The following PPFIA3 variants were observed in gnomAD, a reference collection of about 807,000 sequenced individuals.
The protein encoded by PPFIA3 is liprin-alpha-3.
In PPFIA3, 26 loss-of-function variants were observed where a neutral mutation model predicts 145.8. The ratio of observed to expected loss-of-function variants is 0.18; its 90% CI spans 0.13 to 0.25. PPFIA3 has a LOEUF of 0.25. Ranked by LOEUF, PPFIA3 falls within the 10% of genes least tolerant of loss-of-function variation. The pLI is 1.00. For missense variants in PPFIA3, 1,008 were observed against 1,587.8 expected, an observed-to-expected ratio of 0.63 and a Z score of 6.21; for synonymous variants, 645 against 661.4, an observed-to-expected ratio of 0.98 and a Z score of 0.38.
At chr19:49,145,383 C>G (rs566299547) in intron 21 of PPFIA3, among the ~76,000 whole-genome samples, 1 of 152,298 alleles carries the variant, frequency 6.6e-6, no homozygotes, top group East Asian at 1.9e-4. Flanking sequence ...ACTCTGTATT[C>G]AAATTTCCCC....
Position 49,139,699 on chromosome 19 carries a change from C to T in PPFIA3, c.2108C>T (p.Pro703Leu), listed in dbSNP as rs1361433472. ...GTCCCTAAGGAGGAAGCTGGAGCTC[C>T]ACGAGGGGAGGGGCCGGCCATCCCA... The part of the protein sequence containing the change: ...NHVPKEEAGA[P>L]RGEGPAIPGD... Residue 703 changes from proline to leucine, a missense_variant, in exon 17 of 30, where the codon CCA becomes CTA. By Grantham distance (98) the Pro-to-Leu change is moderately conservative. Transcript: ENST00000334186. 4.3e-6 allele frequency: 7 copies of T among 1,609,960 alleles called. No individual in the cohort carries two copies. The Admixed American group carries it at 1.2e-4, about 27-fold the overall frequency.
In PPFIA3 at chr19:49,133,958, G is replaced by A; in HGVS notation, c.1246-76G>A. Reference sequence around the variant, plus strand: ...TTAATAAGGAGGCTGGGCTGGGCCCGGGGGTGGGGCTTAGAGGAAGGGCCG... The same window carrying A: ...TTAATAAGGAGGCTGGGCTGGGCCCAGGGGTGGGGCTTAGAGGAAGGGCCG... On this transcript the variant is annotated intron_variant, in intron 10 of 29. Coordinates refer to ENST00000334186, the MANE Select transcript of PPFIA3 (RefSeq NM_003660.4). This position sits in a 1 kb window ranked among gnomAD's most constrained non-coding sequence, Gnocchi z 7.2. The A allele has an allele frequency of 3.1e-6, 5 of 1,605,682 alleles. No homozygotes were observed. Among genetic ancestry groups the A allele is most frequent in the Non-Finnish European group, 4.3e-6 (5 of 1,175,634 alleles).
Position 49,143,986 on chromosome 19 carries a change from T to C in PPFIA3, c.2745+982T>C, listed in dbSNP as rs186263796. Among the ~76,000 whole-genome samples, 40 of 151,618 alleles carry C rather than the reference T, an allele frequency of 2.6e-4. 1 individual carries two copies. The highest frequency in any genetic ancestry group is 9.0e-4 in the African/African-American group (37 of 41,170). ...ATACACATGCCTAAAAAGAATTTTA[T>C]ACAATATTTTATTTTTTATTTTTAT... On this transcript the variant is annotated intron_variant, in intron 21 of 29. Coordinates refer to ENST00000334186, the MANE Select transcript of PPFIA3 (RefSeq NM_003660.4).
intron 15 of PPFIA3, 129 bp downstream of exon 15, chr19:49,137,040 A>C: frequency 1.2e-6 from 1 of 868,160 alleles, no homozygotes; most frequent in Non-Finnish European, 1.7e-6. Flanking sequence ...CTTCCAGCCC[A>C]ACACTCACTC....
intron 23 of PPFIA3, 53 bp downstream of exon 23, chr19:49,146,245 T>C: frequency 2.5e-6 from 4 of 1,592,952 alleles, no homozygotes; most frequent in South Asian, 2.3e-5. Flanking sequence ...GCACGACGCA[T>C]GGATGCCCCT....
intron 16 of PPFIA3, among the ~76,000 whole-genome samples, chr19:49,138,981 A>G (rs1244651526): frequency 6.6e-6 from 1 of 152,034 alleles, no homozygotes; most frequent in Non-Finnish European, 1.5e-5. Flanking sequence ...AAAAAAAAAA[A>G]AAGTTTCTGT....
intron 16 of PPFIA3, 81 bp from the exon 17 acceptor site, chr19:49,139,587 C>T: frequency 6.9e-7 from 1 of 1,456,342 alleles, no homozygotes; most frequent in Non-Finnish European, 9.2e-7. Context: ...CCACACACAC[C>T]TTAGTAGACA....
At chr19:49,142,224 G>A (rs1454231581) in intron 20 of PPFIA3, 109 bp downstream of exon 20, 2 of 1,078,502 alleles carry the variant, frequency 1.9e-6, no homozygotes, top group African/African-American at 1.6e-5. Flanking sequence ...GCCCAGAGGT[G>A]GGGGTGGCCA....
Position 49,149,482 on chromosome 19 carries a change from CAAAG to C in PPFIA3, c.3355-64_3355-61del. The C allele has an allele frequency of 1.9e-6, 3 of 1,603,160 alleles. No homozygotes were observed. In the South Asian group the frequency reaches 3.3e-5, roughly 18 times the overall value. On this transcript the variant is annotated intron_variant, in intron 27 of 29. Transcript: ENST00000334186. The surrounding 1 kb of genome is among the most constrained non-coding windows in gnomAD (Gnocchi z 5.7). ...GGTGAGACCCGGAGAGGGGTGGAGT[CAAAG>C]GAAGGGGCGGAGTCAGACAAGGCAG...
chr19:49,141,306 C>T (rs1418560420), intron 18 of PPFIA3, 114 bp from the exon 19 acceptor site: 3 of 717,922 alleles, frequency 4.2e-6, no homozygotes, highest in East Asian at 2.7e-5. Context: ...TGTGCCCTCA[C>T]TCACTACTCC....
At position 49,122,714 on chromosome 19, in the gene PPFIA3, G is replaced by GGTT. The variant is rs1555741934; in HGVS notation, c.-16+2992_-16+2993insGTT. ...TTTTTGTTGTTGTTGTTGTTTAGTTGTTTTTTTTTTTTTTTTTTTTGGCGG... is the reference window on the plus strand; with the variant it reads ...TTTTTGTTGTTGTTGTTGTTTAGTTGGTTTTTTTTTTTTTTTTTTTTTTGGCGG... On this transcript the variant is annotated intron_variant, in intron 1 of 29. Coordinates refer to ENST00000334186, the MANE Select transcript of PPFIA3 (RefSeq NM_003660.4). Among the ~76,000 whole-genome samples the GGTT allele has an allele frequency of 1.5e-4, 17 of 114,854 alleles. 1 individual carries two copies. Among genetic ancestry groups the GGTT allele is most frequent in the East Asian group, 2.9e-4 (1 of 3,462 alleles). The allele number at this position is 114,854 out of a possible 152,430, so 75.3% of individuals were successfully genotyped here.
In PPFIA3 at chr19:49,128,949, G is replaced by T; in HGVS notation, c.444G>T (p.Ser148=). 6.2e-7 allele frequency: 1 copy of T among 1,613,920 alleles called. No individual in the cohort carries two copies. The highest frequency in any genetic ancestry group is 2.2e-5 in the East Asian group (1 of 44,872). Residue 148 remains serine, a synonymous_variant, in exon 4 of 30, where the codon TCG becomes TCT. Transcript: ENST00000334186. This position sits in a 1 kb window ranked among gnomAD's most constrained non-coding sequence, Gnocchi z 4.1. ...RQAQSPGGVS[S]EVEVLKALKS... is the part of the protein sequence containing the mutation. ...CCCAGTCCCCGGGTGGGGTCTCCTC[G>T]GAGGTAGAAGTGCTCAAAGCTCTAA...
rs1334699871 is a variant in PPFIA3 at position 49,148,127 on chromosome 19, C to T, written c.2880C>T (p.Asp960=). The change falls in exon 24 of 30, where the codon GAC becomes GAT. Residue 960 remains aspartate (D), a synonymous_variant. Coordinates refer to ENST00000334186, the MANE Select transcript of PPFIA3 (RefSeq NM_003660.4). Reference sequence around the variant, plus strand: ...TGAACCACGAGTGGGTGGGGAACGACTGGCTGCCCAGCCTGGGGCTGCCCC... The same window carrying T: ...TGAACCACGAGTGGGTGGGGAACGATTGGCTGCCCAGCCTGGGGCTGCCCC... ...GDMNHEWVGN[D]WLPSLGLPQY... is the part of the protein sequence containing the mutation. 4.3e-6 allele frequency: 7 copies of T among 1,614,036 alleles called. No homozygotes were observed. Among genetic ancestry groups the T allele is most frequent in the Non-Finnish European group, 5.9e-6 (7 of 1,179,944 alleles).
At position 49,130,149 on chromosome 19, in the gene PPFIA3, C is replaced by T. The variant is rs1358025945; in HGVS notation, c.657+82C>T. ...AGTGTTTGTAACGTTTGGTATCATC[C>T]TCACTGGCCCTAAGACGGCTGCACC... On this transcript the variant is annotated intron_variant, in intron 6 of 29. Transcript: ENST00000334186. The surrounding 1 kb of genome is among the most constrained non-coding windows in gnomAD (Gnocchi z 4.5). The T allele has an allele frequency of 1.1e-5, 15 of 1,418,554 alleles. No homozygotes were observed. The highest frequency in any genetic ancestry group is 1.4e-5 in the Non-Finnish European group (15 of 1,034,586). The allele number at this position is 1,418,554 out of a possible 1,614,324, so 87.9% of individuals were successfully genotyped here. A position where few individuals can be genotyped will look rare whatever the true frequency, so the allele number is the denominator to read the frequency against.
Position 49,133,586 on chromosome 19 carries a change from C to A in PPFIA3, c.1162-210C>A, listed in dbSNP as rs2041101603. On this transcript the variant is annotated intron_variant, in intron 9 of 29. Transcript: ENST00000334186. This position sits in a 1 kb window ranked among gnomAD's most constrained non-coding sequence, Gnocchi z 7.2. ...TGGGAGCGGGGTTCTCTAGCCTGGA[C>A]TGAAAGGACCGGTGGCCTGGAACCT... Among the ~76,000 whole-genome samples the A allele has an allele frequency of 6.6e-6, 1 of 152,066 alleles. No homozygotes were observed. The highest frequency in any genetic ancestry group is 1.5e-5 in the Non-Finnish European group (1 of 68,018).
rs11351172 is a variant in PPFIA3 at position 49,132,390 on chromosome 19, C to CAAAAAAAAAAAAAA, written c.880-594_880-581dup. Among the ~76,000 whole-genome samples the CAAAAAAAAAAAAAA allele has an allele frequency of 1.6e-4, 7 of 43,648 alleles. 1 individual carries two copies. The highest frequency in any genetic ancestry group is 3.9e-4 in the Admixed American group (1 of 2,558). The allele number at this position is 43,648 out of a possible 152,430, so 28.6% of individuals were successfully genotyped here. ...GGTGACGGAGCAAGACTCTCTCTCT[C>CAAAAAAAAAAAAAA]AAAAAAAAAAAAAAAAAAAAAAAAA... On this transcript the variant is annotated intron_variant, in intron 7 of 29. Coordinates refer to ENST00000334186, the MANE Select transcript of PPFIA3 (RefSeq NM_003660.4).
chr19:49,145,579 T>G lies in PPFIA3; in HGVS notation c.2746-364T>G, dbSNP rs2041270513. On this transcript the variant is annotated intron_variant, in intron 21 of 29. Coordinates refer to ENST00000334186, the MANE Select transcript of PPFIA3 (RefSeq NM_003660.4). Reference sequence around the variant, plus strand: ...TTGTTGGGAGCAGAAGCTCAATAAATGTGAACCCCCCCCGCCATACTCCCT... The same window carrying G: ...TTGTTGGGAGCAGAAGCTCAATAAAGGTGAACCCCCCCCGCCATACTCCCT... 4 of 286,236 alleles carry G rather than the reference T, an allele frequency of 1.4e-5. No individual in the cohort carries two copies. In the South Asian group the frequency reaches 1.7e-4, roughly 12 times the overall value. 17.7% of individuals were successfully genotyped at this position (286,236 alleles called of 1,614,324 possible).
At chr19:49,125,840 C>G (rs1209389494) in intron 1 of PPFIA3, among the ~76,000 whole-genome samples, 1 of 151,966 alleles carries the variant, frequency 6.6e-6, no homozygotes, top group African/African-American at 2.4e-5. Flanking sequence ...CTCCTGTGAC[C>G]TGAGGGAGGC....
rs2041143271 is a variant in PPFIA3, at chr19:49,136,786, C to T, written c.1728C>T (p.Gly576=). Residue 576 remains glycine, a synonymous_variant, in exon 15 of 30, where the codon GGC becomes GGT. Coordinates refer to ENST00000334186, the MANE Select transcript of PPFIA3 (RefSeq NM_003660.4). The stretch of plus-strand genomic sequence containing the variant: ...CCCCATTCCCTGGGGAACTGGACGG[C>T]TCCGATGAGGAGGAGGCAGAGGGGA... The part of the protein sequence containing the change: ...IPPPFPGELD[G]SDEEEAEGMF... 6.3e-7 allele frequency: 1 copy of T among 1,591,456 alleles called. No individual in the cohort carries two copies. Among genetic ancestry groups the T allele is most frequent in the Non-Finnish European group, 8.6e-7 (1 of 1,169,100 alleles).
Sources: allele counts gnomAD v4.1 joint callset (sites outside exome capture counted in the v4.1 genomes callset), GRCh38; gene constraint gnomAD v4.1.1; non-coding constraint Gnocchi (gnomAD v3.1); transcripts MANE v1.5; gene names NCBI Gene and HGNC (gene_info 2026-07-23, HGNC 2026-07-21).